SUGCT: variants seen among roughly 807,000 people sequenced by gnomAD.
SUGCT encodes the protein succinyl-CoA:glutarate CoA-transferase.
Under a neutral mutation model 55.0 loss-of-function variants are expected in SUGCT, and 41 were observed. That is an observed-to-expected ratio of 0.74 (90% CI 0.58 to 0.97). The LOEUF is 0.97. Among genes scored for constraint, SUGCT ranks in the 50% least tolerant of loss-of-function variants. SUGCT has a pLI of 0.00. For synonymous variants in SUGCT, 187 were observed against 200.4 expected, an observed-to-expected ratio of 0.93 and a Z score of 0.56; for missense variants, 568 against 547.8, an observed-to-expected ratio of 1.04 and a Z score of -0.37.
Position 40,783,215 on chromosome 7 carries a change from G to A in SUGCT, c.1153+33718G>A, listed in dbSNP as rs188040601. On this transcript the variant is annotated intron_variant, in intron 13 of 13. Transcript: ENST00000335693. The stretch of plus-strand genomic sequence containing the variant: ...GCCCTGTGGAGACCAACTGATGCCA[G>A]CCAGAGGACATCGGACTACTTTTTC... Among the ~76,000 whole-genome samples, 323 of 152,266 alleles carry A rather than the reference G, an allele frequency of 2.1e-3. 1 individual carries two copies. The highest frequency in any genetic ancestry group is 7.4e-3 in the African/African-American group (309 of 41,560).
intron 12 of SUGCT, among the ~76,000 whole-genome samples, chr7:40,552,911 C>T (rs977530031): frequency 2.0e-5 from 3 of 152,022 alleles, no homozygotes; most frequent in African/African-American, 7.2e-5. Flanking sequence ...TGATTGCAGA[C>T]CTTGTACCTG....
At chr7:40,899,672 T>G in the SUGCT span, among the ~76,000 whole-genome samples, 1 of 152,048 alleles carries the variant, frequency 6.6e-6, no homozygotes, top group Non-Finnish European at 1.5e-5. Context: ...TTTTTGCTGT[T>G]TTTACCATAT....
the SUGCT span, among the ~76,000 whole-genome samples, chr7:40,865,818 A>G: frequency 6.6e-6 from 1 of 152,184 alleles, no homozygotes; most frequent in Non-Finnish European, 1.5e-5. Flanking sequence ...TTTTAATCCA[A>G]TGGCCTCCAG....
chr7:40,337,947 G>T (rs1030572419), intron 9 of SUGCT, among the ~76,000 whole-genome samples: 2 of 152,036 alleles, frequency 1.3e-5, no homozygotes, highest in African/African-American at 4.8e-5. Context: ...AGGCCTGGTG[G>T]TGACAAAATC....
chr7:40,736,231 CAATATAT>C (rs1333108605), intron 12 of SUGCT, among the ~76,000 whole-genome samples: 1,974 of 72,562 alleles, frequency 0.027, 19 homozygotes, highest in African/African-American at 0.042. Context: ...TATAATATAT[CAATATAT>C]AATATATAAT....
chr7:40,435,758 C>T (rs1212164019), intron 9 of SUGCT, among the ~76,000 whole-genome samples: 1 of 152,002 alleles, frequency 6.6e-6, no homozygotes, highest in Non-Finnish European at 1.5e-5. Context: ...ATCACAATTC[C>T]TTATATGAGA....
intron 12 of SUGCT, among the ~76,000 whole-genome samples, chr7:40,517,777 T>G (rs976894423): frequency 2.6e-5 from 4 of 152,124 alleles, no homozygotes; most frequent in African/African-American, 7.2e-5. Flanking sequence ...ATGGTTGATT[T>G]GCTGTAGAGT....
At chr7:40,320,760 A>G (rs906940375) in intron 9 of SUGCT, among the ~76,000 whole-genome samples, 3 of 102,838 alleles carry the variant, frequency 2.9e-5, no homozygotes, top group African/African-American at 8.4e-5. Context: ...GATACTGAAT[A>G]TAGTGGGAAA....
rs370130053 is a variant in SUGCT at position 40,467,667 on chromosome 7, AT to A, written c.986+8478del. Among the ~76,000 whole-genome samples, 13 of 151,614 alleles carry A rather than the reference AT, an allele frequency of 8.6e-5. No individual in the cohort carries two copies. In the East Asian group the frequency reaches 1.9e-3, roughly 23 times the overall value. ...TAAATTCATGAACCTCATTTCCAAG[AT>A]TTTTTTTTCTGCCAAACTGTAATTC... is the stretch of plus-strand genomic sequence containing the variant. On this transcript the variant is annotated intron_variant, in intron 11 of 13. Coordinates refer to ENST00000335693, the MANE Select transcript of SUGCT (RefSeq NM_001193313.2).
chr7:40,841,342 AT>A (rs1354158426), intron 13 of SUGCT, among the ~76,000 whole-genome samples: 1 of 152,152 alleles, frequency 6.6e-6, no homozygotes, highest in Non-Finnish European at 1.5e-5. Flanking sequence ...ACCTAAGAGT[AT>A]TTATATTTCA....
chr7:40,483,380 G>T (rs1206804986), intron 11 of SUGCT, among the ~76,000 whole-genome samples: 1 of 152,142 alleles, frequency 6.6e-6, no homozygotes, highest in Non-Finnish European at 1.5e-5. Flanking sequence ...AAATGTTAGT[G>T]TAGTTTTGTT....
the SUGCT span, among the ~76,000 whole-genome samples, chr7:40,918,254 A>T: frequency 3.3e-5 from 5 of 152,084 alleles, no homozygotes; most frequent in Non-Finnish European, 7.4e-5. Flanking sequence ...CGAGGTCAGG[A>T]GTTTGAGACC....
chr7:40,267,647 G>A (rs369599536), intron 7 of SUGCT, among the ~76,000 whole-genome samples: 5 of 152,280 alleles, frequency 3.3e-5, no homozygotes, highest in East Asian at 1.9e-4. Context: ...TGGAGTTCCA[G>A]ATGTGGAAGG....
At chr7:40,377,694 T>C (rs1784673164) in intron 9 of SUGCT, among the ~76,000 whole-genome samples, 2 of 152,224 alleles carry the variant, frequency 1.3e-5, no homozygotes, top group African/African-American at 4.8e-5. Context: ...CTACAAGTAT[T>C]CTTTATTTAT....
chr7:40,256,132 G>C (rs1790797686), intron 7 of SUGCT, among the ~76,000 whole-genome samples: 1 of 152,184 alleles, frequency 6.6e-6, no homozygotes, highest in African/African-American at 2.4e-5. Flanking sequence ...TAATTGCATA[G>C]TTGTTTCTGA....
chr7:40,702,059 A>G (rs571755714), intron 12 of SUGCT, among the ~76,000 whole-genome samples: 2 of 152,326 alleles, frequency 1.3e-5, no homozygotes, highest in East Asian at 3.9e-4. Context: ...TCACTTTGTC[A>G]TTAGCCTTTT....
chr7:40,368,760 A>C (rs73688066), intron 9 of SUGCT, among the ~76,000 whole-genome samples: 2,272 of 152,286 alleles, frequency 0.015, 54 homozygotes, highest in African/African-American at 0.05. Flanking sequence ...TTTTTAGAGT[A>C]ATATGGAGGC....
chr7:40,902,861 TA>T, the SUGCT span, among the ~76,000 whole-genome samples: 16 of 152,152 alleles, frequency 1.1e-4, no homozygotes, highest in Middle Eastern at 0.014. Flanking sequence ...CTCCAAGAGA[TA>T]CCCTGTAGCT....
the SUGCT span, among the ~76,000 whole-genome samples, chr7:40,937,700 T>C: frequency 4.6e-5 from 7 of 152,220 alleles, no homozygotes; most frequent in African/African-American, 1.7e-4. Context: ...TTTTGCCTGA[T>C]ATTAGTATGT....
Sources: gnomAD v4.1 joint callset for allele counts (sites outside exome capture counted in the v4.1 genomes callset) on GRCh38, gnomAD v4.1.1 for gene constraint, MANE v1.5 for transcripts, NCBI Gene and HGNC (gene_info 2026-07-23, HGNC 2026-07-21) for gene names.